The following DGKB variants were observed in gnomAD, a reference collection of about 807,000 sequenced individuals.
The protein encoded by DGKB is diacylglycerol kinase beta.
In DGKB, 67 loss-of-function variants were observed where a neutral mutation model predicts 114.3. That is an observed-to-expected ratio of 0.59 (90% CI 0.48 to 0.72). The LOEUF (loss-of-function observed/expected upper bound fraction) is 0.72. Ranked by LOEUF, DGKB falls within the 30% of genes least tolerant of loss-of-function variation. The pLI, the probability that DGKB is intolerant of heterozygous loss-of-function variation, is 0.00. For synonymous variants in DGKB, 398 were observed against 323.1 expected (o/e 1.23, Z -2.49); for missense variants, 907 against 975.2 (o/e 0.93, Z 0.93).
intron 2 of DGKB, among the ~76,000 whole-genome samples, chr7:14,808,576 G>A (rs1369098444): frequency 6.6e-6 from 1 of 152,070 alleles, no homozygotes; most frequent in Non-Finnish European, 1.5e-5. Context: ...AAGAAGTTTT[G>A]CACAAGATAA....
chr7:14,447,567 T>C (rs1011913624), intron 21 of DGKB, among the ~76,000 whole-genome samples: 3 of 152,148 alleles, frequency 2.0e-5, no homozygotes, highest in Non-Finnish European at 4.4e-5. Context: ...ATAAGATAAA[T>C]TTAATTTAAA....
intron 1 of DGKB, among the ~76,000 whole-genome samples, chr7:14,933,843 C>G (rs1785151512): frequency 6.6e-6 from 1 of 152,052 alleles, no homozygotes; most frequent in African/African-American, 2.4e-5. Context: ...CCTAGAAGTT[C>G]CTCTGTTTGG....
chr7:14,796,758 A>G (rs1841469644), intron 2 of DGKB, among the ~76,000 whole-genome samples: 2 of 152,112 alleles, frequency 1.3e-5, no homozygotes. Context: ...TTTGCAAAAA[A>G]TCTCCCAGAA....
At chr7:14,722,144 G>C (rs1289203466) in intron 5 of DGKB, among the ~76,000 whole-genome samples, 3 of 151,962 alleles carry the variant, frequency 2.0e-5, no homozygotes, top group Non-Finnish European at 4.4e-5. Flanking sequence ...TATACATTAG[G>C]GTTCTCTTTT....
At chr7:14,626,339 G>T (rs548244258) in intron 14 of DGKB, among the ~76,000 whole-genome samples, 10 of 152,320 alleles carry the variant, frequency 6.6e-5, no homozygotes, top group African/African-American at 2.2e-4. Flanking sequence ...CTACAAAGGC[G>T]AGTGCTTTCC....
intron 20 of DGKB, among the ~76,000 whole-genome samples, chr7:14,488,721 G>A (rs1488088609): frequency 1.3e-5 from 2 of 150,702 alleles, no homozygotes; most frequent in Non-Finnish European, 3.0e-5. Context: ...CCAGCTACTC[G>A]GGAGGCTGAG....
chr7:14,247,059 G>T (rs1179322893), intron 23 of DGKB, among the ~76,000 whole-genome samples: 1 of 152,034 alleles, frequency 6.6e-6, no homozygotes, highest in Non-Finnish European at 1.5e-5. Context: ...TGTTTTTTAA[G>T]ATTGCACATA....
chr7:14,709,039 TG>T (rs1826836578), intron 6 of DGKB, among the ~76,000 whole-genome samples: 3 of 141,314 alleles, frequency 2.1e-5, no homozygotes, highest in South Asian at 2.4e-4. Flanking sequence ...ACCTACAAAA[TG>T]GGAGAAGATT....
intron 23 of DGKB, among the ~76,000 whole-genome samples, chr7:14,303,845 C>G: frequency 6.6e-6 from 1 of 152,182 alleles, no homozygotes; most frequent in East Asian, 1.9e-4. Flanking sequence ...TTTTCATGCA[C>G]TTTGCTTGCA....
intron 23 of DGKB, among the ~76,000 whole-genome samples, chr7:14,185,961 A>G (rs1783360105): frequency 1.3e-5 from 2 of 152,242 alleles, no homozygotes; most frequent in Non-Finnish European, 2.9e-5. Context: ...GGCTTAGGCA[A>G]GGATTTCATG....
chr7:14,916,766 C>T (rs555265968), intron 1 of DGKB, among the ~76,000 whole-genome samples: 1 of 152,144 alleles, frequency 6.6e-6, no homozygotes, highest in South Asian at 2.1e-4. Context: ...TACAATTGAA[C>T]TGAATATCAC....
chr7:14,447,841 C>T (rs754896054), intron 21 of DGKB, among the ~76,000 whole-genome samples: 4 of 151,984 alleles, frequency 2.6e-5, no homozygotes, highest in East Asian at 1.9e-4. Flanking sequence ...TTGACGGTGT[C>T]GGGAAATCCT....
At chr7:14,733,251 A>C (rs1831176591) in intron 5 of DGKB, among the ~76,000 whole-genome samples, 1 of 152,244 alleles carries the variant, frequency 6.6e-6, no homozygotes, top group Non-Finnish European at 1.5e-5. Flanking sequence ...GAATCTAAAA[A>C]TATTTTCTAA....
At chr7:14,653,300 A>T (rs1478388618) in intron 13 of DGKB, among the ~76,000 whole-genome samples, 1 of 151,962 alleles carries the variant, frequency 6.6e-6, no homozygotes, top group Non-Finnish European at 1.5e-5. Context: ...TGTGGCGCAT[A>T]TACACCATGG....
intron 13 of DGKB, among the ~76,000 whole-genome samples, chr7:14,634,640 A>G (rs1024627541): frequency 5.9e-5 from 9 of 151,590 alleles, no homozygotes; most frequent in African/African-American, 2.2e-4. Flanking sequence ...AAGTAGTAAG[A>G]GACAGAGAAA....
At chr7:14,827,852 G>A (rs1275048801) in intron 2 of DGKB, among the ~76,000 whole-genome samples, 2 of 151,958 alleles carry the variant, frequency 1.3e-5, no homozygotes, top group African/African-American at 4.8e-5. Flanking sequence ...ATATTTGTCA[G>A]GCTATTGAGA....
chr7:14,701,673 A>T lies in DGKB; in HGVS notation c.516+8T>A, dbSNP rs910794446. 23 of 1,603,260 alleles carry T rather than the reference A, an allele frequency of 1.4e-5. No homozygotes were observed. The highest frequency in any genetic ancestry group is 1.7e-5 in the Non-Finnish European group (20 of 1,170,898). On this transcript the variant is annotated splice_region_variant and intron_variant, in intron 7 of 25. Coordinates refer to ENST00000402815, the MANE Select transcript of DGKB (RefSeq NM_001350709.2). Reference sequence around the variant, plus strand: ...AGTTTTCACAGAAACTTTGAAGAAAAAAATTACCGAGCTGTCCAGGAAGCC... The same window carrying T: ...AGTTTTCACAGAAACTTTGAAGAAATAAATTACCGAGCTGTCCAGGAAGCC...
intron 20 of DGKB, among the ~76,000 whole-genome samples, chr7:14,539,370 A>G (rs1306337071): frequency 6.6e-6 from 1 of 152,138 alleles, no homozygotes; most frequent in East Asian, 1.9e-4. Flanking sequence ...TTTTCCTTGC[A>G]CTAATACATG....
intron 1 of DGKB, among the ~76,000 whole-genome samples, chr7:14,937,964 G>C (rs1785364146): frequency 6.6e-6 from 1 of 152,162 alleles, no homozygotes; most frequent in Non-Finnish European, 1.5e-5. Context: ...ACATGTGTTA[G>C]TTGACTGTTT....
Sources: allele counts gnomAD v4.1 joint callset (sites outside exome capture counted in the v4.1 genomes callset), GRCh38; gene constraint gnomAD v4.1.1; transcripts MANE v1.5; gene names NCBI Gene and HGNC (gene_info 2026-07-23, HGNC 2026-07-21).